Variants in PIAS4 observed in about 807,000 individuals in gnomAD.
PIAS4 encodes protein inhibitor of activated STAT 4.
PIAS4 carries 7 observed loss-of-function variants against 58.0 expected under a neutral mutation model. The ratio of observed to expected loss-of-function variants is 0.12; its 90% CI spans 0.07 to 0.23. PIAS4 has a LOEUF of 0.23. Among genes scored for constraint, PIAS4 ranks in the 10% least tolerant of loss-of-function variants. PIAS4 has a pLI of 1.00. For synonymous variants in PIAS4, 364 were observed against 312.4 expected (o/e 1.17, Z -1.74); for missense variants, 550 against 709.5 (o/e 0.78, Z 2.55).
In PIAS4 at chr19:4,028,174, C is replaced by A; in HGVS notation, c.568C>A (p.Gln190Lys). Reference protein sequence around the residue: ...RELQPGVKAVQVVLRICYSDT... With the variant: ...RELQPGVKAVKVVLRICYSDT... ...ACTGCAGCCCGGAGTTAAAGCCGTGCAGGTCGTCCTGAGGTATGCCCAGGT... is the reference window on the plus strand; with the variant it reads ...ACTGCAGCCCGGAGTTAAAGCCGTGAAGGTCGTCCTGAGGTATGCCCAGGT... The change falls in exon 4 of 11, where the codon CAG (glutamine) becomes AAG (lysine). Residue 190 changes from glutamine (Q) to lysine (K), a missense_variant. Around this residue, in one of 4 missense-constraint regions of PIAS4, gnomAD observed 225 missense variants for 345.8 expected, o/e 0.65. Coordinates refer to ENST00000262971, the MANE Select transcript of PIAS4 (RefSeq NM_015897.4). 6.2e-7 allele frequency: 1 copy of A among 1,612,772 alleles called. No homozygotes were observed.
chr19:4,026,452 C>A (rs1020150234), intron 3 of PIAS4, among the ~76,000 whole-genome samples: 1 of 151,392 alleles, frequency 6.6e-6, no homozygotes, highest in Non-Finnish European at 1.5e-5. Flanking sequence ...TTTCTTATGT[C>A]GAGATATGAT....
chr19:4,007,882 A>C, intron 1 of PIAS4, 95 bp downstream of exon 1: 1 of 982,518 alleles, frequency 1.0e-6, no homozygotes. Context: ...CCGGGGCCCC[A>C]CAGCGCGGCC....
Position 4,013,131 on chromosome 19 carries a change from G to T in PIAS4, c.236G>T (p.Arg79Leu). The T allele has an allele frequency of 1.2e-6, 2 of 1,613,340 alleles. No individual in the cohort carries two copies. Among genetic ancestry groups the T allele is most frequent in the Non-Finnish European group, 1.7e-6 (2 of 1,180,000 alleles). Residue 79 changes from arginine to leucine, a missense_variant, in exon 2 of 11, where the codon CGG (arginine) becomes CTG (leucine). By Grantham distance (102) the Arg-to-Leu change is moderately radical. This residue lies in a region of PIAS4 where 95 missense variants were observed against 87.5 expected (regional missense o/e 1.09). Coordinates refer to ENST00000262971, the MANE Select transcript of PIAS4 (RefSeq NM_015897.4). The surrounding 1 kb of genome is among the most constrained non-coding windows in gnomAD (Gnocchi z 5.1). ...KNSEPAPQPH[R>L]PLDPLTMHST... is the part of the protein sequence containing the mutation. ...TCGGAGCCTGCCCCACAGCCGCACCGGCCCCTGGACCCCCTGACCATGCAC... is the reference window on the plus strand; with the variant it reads ...TCGGAGCCTGCCCCACAGCCGCACCTGCCCCTGGACCCCCTGACCATGCAC...
At chr19:4,008,501 T>C (rs1422978688) in intron 1 of PIAS4, among the ~76,000 whole-genome samples, 2 of 152,158 alleles carry the variant, frequency 1.3e-5, no homozygotes, top group African/African-American at 4.8e-5. Context: ...GAGTGGGCGC[T>C]TGGGGGAAGG....
chr19:4,032,037 G>A (rs561874591), intron 7 of PIAS4, among the ~76,000 whole-genome samples: 2 of 152,274 alleles, frequency 1.3e-5, no homozygotes, highest in African/African-American at 2.4e-5. Flanking sequence ...CTGCCACCAC[G>A]TCCCCACGGG....
chr19:4,028,391 G>A (rs1394850243), intron 4 of PIAS4, 119 bp from the exon 5 acceptor site: 8 of 824,866 alleles, frequency 9.7e-6, no homozygotes, highest in East Asian at 5.4e-5. Flanking sequence ...GATACCCCCC[G>A]TGTCACATTC....
At position 4,030,174 on chromosome 19, in the gene PIAS4, G is replaced by GAGAGCAACACCATC. The variant is rs1210590411; in HGVS notation, c.907+1138_907+1139insAGAGCAACACCATC. Among the ~76,000 whole-genome samples the GAGAGCAACACCATC allele has an allele frequency of 9.9e-4, 149 of 150,906 alleles. 1 individual carries two copies. The highest frequency in any genetic ancestry group is 2.1e-3 in the South Asian group (10 of 4,736). ...GATGGAATCTTGCTGTGTTGCCCAG[G>GAGAGCAACACCATC]CTGGTCGTAAACTCCTGAGCTCAAG... On this transcript the variant is annotated intron_variant, in intron 7 of 10. Coordinates refer to ENST00000262971, the MANE Select transcript of PIAS4 (RefSeq NM_015897.4).
chr19:4,017,301 C>G (rs1326028393), intron 2 of PIAS4, among the ~76,000 whole-genome samples: 3 of 152,134 alleles, frequency 2.0e-5, no homozygotes, highest in Non-Finnish European at 4.4e-5. Flanking sequence ...CCTGTGGCCC[C>G]CTGCCCTGCC....
intron 2 of PIAS4, among the ~76,000 whole-genome samples, chr19:4,020,269 G>C (rs2040095969): frequency 6.6e-6 from 1 of 152,128 alleles, no homozygotes; most frequent in African/African-American, 2.4e-5. Context: ...GTTGAGGTGC[G>C]ATCCCATGGC....
intron 2 of PIAS4, among the ~76,000 whole-genome samples, chr19:4,021,185 C>G (rs950562478): frequency 6.6e-6 from 1 of 152,140 alleles, no homozygotes; most frequent in Admixed American, 6.5e-5. Flanking sequence ...CAGAGCCTCA[C>G]TCTGTCACCC....
chr19:4,030,400 A>G (rs577333305), intron 7 of PIAS4, among the ~76,000 whole-genome samples: 2 of 152,086 alleles, frequency 1.3e-5, no homozygotes, highest in Admixed American at 6.5e-5. Flanking sequence ...CGGGCAGATC[A>G]TGGGGTCAGG....
At chr19:4,033,617 G>C in intron 9 of PIAS4, 37 bp downstream of exon 9, 1 of 1,541,078 alleles carries the variant, frequency 6.5e-7, no homozygotes, top group Non-Finnish European at 8.8e-7. Flanking sequence ...GCCGGAGCCG[G>C]ACATCCGTGG....
At chr19:4,024,915 A>G (rs1445861326) in intron 3 of PIAS4, among the ~76,000 whole-genome samples, 1 of 152,022 alleles carries the variant, frequency 6.6e-6, no homozygotes, top group African/African-American at 2.4e-5. Flanking sequence ...ACAGGCGCTC[A>G]CTACCACGCC....
rs369692678 is a variant in PIAS4 at position 4,028,703 on chromosome 19, G to A, written c.673-17G>A. The A allele has an allele frequency of 8.5e-5, 137 of 1,604,762 alleles. No homozygotes were observed. Among genetic ancestry groups the A allele is most frequent in the Admixed American group, 1.7e-4 (10 of 59,638 alleles). ...AGCCGCTCTTGGCTCGAGGCTGAGC[G>A]GCCCATCTGCTTGCAGGGCTACTAC... On this transcript the variant is annotated splice_polypyrimidine_tract_variant and intron_variant, in intron 5 of 10. Transcript: ENST00000262971.
Position 4,024,090 on chromosome 19 carries a change from C to T in PIAS4, c.509C>T (p.Pro170Leu). ...QESPCIFALT[P>L]RQVELIRNSR... ...AGCCCGTGCATCTTCGCATTGACGC[C>T]AAGACAGGTGGAGTTGATCCGGAAC... Residue 170 changes from proline to leucine, a missense_variant, in exon 3 of 11, where the codon CCA becomes CTA. This residue lies in a region of PIAS4 where 225 missense variants were observed against 345.8 expected (regional missense o/e 0.65). Coordinates refer to ENST00000262971, the MANE Select transcript of PIAS4 (RefSeq NM_015897.4). The T allele has an allele frequency of 6.2e-7, 1 of 1,613,928 alleles. No individual in the cohort carries two copies. The highest frequency in any genetic ancestry group is 8.5e-7 in the Non-Finnish European group (1 of 1,179,794).
In PIAS4 at chr19:4,037,546, G is replaced by A. The variant is rs1425192218; in HGVS notation, c.1273+42G>A. The A allele has an allele frequency of 3.1e-6, 5 of 1,607,436 alleles. No homozygotes were observed. Among genetic ancestry groups the A allele is most frequent in the Non-Finnish European group, 4.2e-6 (5 of 1,179,716 alleles). The stretch of plus-strand genomic sequence containing the variant: ...ACCAGCCGCGCAGTCCGCAGCCAGG[G>A]CCGCCTCAGTTTCCCCATTTATCAG... On this transcript the variant is annotated intron_variant, in intron 10 of 10. Coordinates refer to ENST00000262971, the MANE Select transcript of PIAS4 (RefSeq NM_015897.4). This position sits in a 1 kb window ranked among gnomAD's most constrained non-coding sequence, Gnocchi z 5.8.
At position 4,018,189 on chromosome 19, in the gene PIAS4, G is replaced by T. The variant is rs562372978; in HGVS notation, c.454+4840G>T. 2.6e-5 allele frequency among the ~76,000 whole-genome samples: 4 copies of T among 152,350 alleles called. No individual in the cohort carries two copies. The East Asian group carries it at 7.7e-4, about 29-fold the overall frequency. ...AATTATGCGCTTGTCCTAGAAAACT[G>T]GAGTCAACAGCAGAGCAGTCCGGCC... On this transcript the variant is annotated intron_variant, in intron 2 of 10. Coordinates refer to ENST00000262971, the MANE Select transcript of PIAS4 (RefSeq NM_015897.4).
Position 4,013,225 on chromosome 19 carries a change from G to T in PIAS4, c.330G>T (p.Val110=). 5.6e-6 allele frequency: 9 copies of T among 1,613,504 alleles called. No individual in the cohort carries two copies. The highest frequency in any genetic ancestry group is 5.9e-6 in the Non-Finnish European group (7 of 1,180,006). The change falls in exon 2 of 11, where the codon GTG becomes GTT. Residue 110 remains valine (V), a synonymous_variant. Transcript: ENST00000262971. This position sits in a 1 kb window ranked among gnomAD's most constrained non-coding sequence, Gnocchi z 5.1. Reference sequence around the variant, plus strand: ...CAGGCCCCAATATTGACTACCCCGTGCTCTACGGAAAGTACTTAAACGGAC... The same window carrying T: ...CAGGCCCCAATATTGACTACCCCGTTCTCTACGGAAAGTACTTAAACGGAC... The part of the protein sequence containing the change: ...PLAGPNIDYP[V]LYGKYLNGLG...
At chr19:4,026,141 CT>C (rs1210513779) in intron 3 of PIAS4, among the ~76,000 whole-genome samples, 108 of 121,168 alleles carry the variant, frequency 8.9e-4, no homozygotes, top group Admixed American at 1.2e-3. Flanking sequence ...TTTTCTTTTT[CT>C]TTTTTTTTTT....
Sources: allele counts gnomAD v4.1 joint callset (sites outside exome capture counted in the v4.1 genomes callset), GRCh38; gene constraint gnomAD v4.1.1; regional missense constraint gnomAD v4.1.1; non-coding constraint Gnocchi (gnomAD v3.1); transcripts MANE v1.5; gene names NCBI Gene and HGNC (gene_info 2026-07-23, HGNC 2026-07-21).